The following COL18A1 variants were observed in gnomAD, a reference collection of about 807,000 sequenced individuals.
The protein encoded by COL18A1 is collagen alpha-1(XVIII) chain.
A neutral mutation model predicts 168.0 loss-of-function variants in COL18A1; 133 were observed. That is an observed-to-expected ratio of 0.79 (90% confidence interval 0.69 to 0.91). COL18A1 has a LOEUF of 0.91. Among genes scored for constraint, COL18A1 ranks in the 40% least tolerant of loss-of-function variants. The pLI, the probability that COL18A1 is intolerant of heterozygous loss-of-function variation, is 0.00. For missense variants in COL18A1, 2,126 were observed against 1,925.4 expected, an observed-to-expected ratio of 1.10 and a Z score of -1.95; for synonymous variants, 949 against 809.0, an observed-to-expected ratio of 1.17 and a Z score of -2.94.
At chr21:45,487,823 C>A (rs1019460524) in intron 17 of COL18A1, among the ~76,000 whole-genome samples, 1 of 152,228 alleles carries the variant, frequency 6.6e-6, no homozygotes, top group East Asian at 1.9e-4. Context: ...TCATCACATT[C>A]TTTTTGTGGC....
At position 45,509,576 on chromosome 21, in the gene COL18A1, A is replaced by C. The variant is rs1293040942; in HGVS notation, c.3470A>C (p.His1157Pro). The change falls in exon 39 of 42, where the codon CAC becomes CCC. Residue 1157 changes from histidine (H) to proline (P), a missense_variant. Physicochemically the swap from His to Pro is moderately conservative, Grantham distance 77. Coordinates refer to ENST00000651438, the MANE Select transcript of COL18A1 (RefSeq NM_001379500.1). Reference protein sequence around the residue: ...RPARPTSPPAHSHRDFQPVLH... With the variant: ...RPARPTSPPAPSHRDFQPVLH... ...GCGCGACCCACAAGCCCACCCGCCC[A>C]CAGCCACCGCGACTTCCAGCCGGTG... 3 of 1,524,598 alleles carry C rather than the reference A, an allele frequency of 2.0e-6. No homozygotes were observed. The highest frequency in any genetic ancestry group is 2.8e-5 in the African/African-American group (2 of 72,546). 94.4% of individuals were successfully genotyped at this position (1,524,598 alleles called of 1,614,324 possible). A position where few individuals can be genotyped will look rare whatever the true frequency, so the allele number is the denominator to read the frequency against.
rs1368894125 is a variant in COL18A1 at position 45,498,012 on chromosome 21, G to C, written c.2683+351G>C. On this transcript the variant is annotated intron_variant, in intron 32 of 41. Transcript: ENST00000651438. The surrounding 1 kb of genome is among the most constrained non-coding windows in gnomAD (Gnocchi z 4.5). ...TCCACGGGGCCGGGGGTCGGCACTG[G>C]AGGACCCTCTGTCGAGAAACTCTCC... is the stretch of plus-strand genomic sequence containing the variant. Among the ~76,000 whole-genome samples the C allele has an allele frequency of 6.6e-6, 1 of 152,156 alleles. No homozygotes were observed. Among genetic ancestry groups the C allele is most frequent in the African/African-American group, 2.4e-5 (1 of 41,420 alleles).
At chr21:45,415,231 T>A (rs1223612448) in intron 2 of COL18A1, among the ~76,000 whole-genome samples, 1 of 152,086 alleles carries the variant, frequency 6.6e-6, no homozygotes, top group African/African-American at 2.4e-5. Flanking sequence ...AAGTCTTGGA[T>A]GTGTGCCGGC....
chr21:45,455,532 T>A, intron 2 of COL18A1: 2 of 1,612,918 alleles, frequency 1.2e-6, no homozygotes, highest in Non-Finnish European at 1.7e-6. Flanking sequence ...ACTGCCCCGA[T>A]GGCTCCCTAC....
intron 2 of COL18A1, among the ~76,000 whole-genome samples, chr21:45,418,241 G>C (rs1046830207): frequency 3.9e-5 from 6 of 152,342 alleles, no homozygotes; most frequent in Admixed American, 6.5e-5. Context: ...CATCCCTGGT[G>C]GGGGCAGAGG....
Position 45,498,473 on chromosome 21 carries a change from GCTCGCCGCCAGGGTCCCCT to G in COL18A1, c.2683+818_2683+836del, listed in dbSNP as rs916143896. ...GTCCCCTCTCGCCGCCACGGTCCCC[GCTCGCCGCCAGGGTCCCCT>G]CTCGCTGCCAGGGTCCTCTGCAGAG... is the stretch of plus-strand genomic sequence containing the variant. On this transcript the variant is annotated intron_variant, in intron 32 of 41. Transcript: ENST00000651438. This position sits in a 1 kb window ranked among gnomAD's most constrained non-coding sequence, Gnocchi z 4.5. 5 of 656,096 alleles carry G rather than the reference GCTCGCCGCCAGGGTCCCCT, an allele frequency of 7.6e-6. No homozygotes were observed. Among genetic ancestry groups the G allele is most frequent in the African/African-American group, 6.1e-5 (3 of 48,792 alleles). 40.6% of individuals were successfully genotyped at this position (656,096 alleles called of 1,614,324 possible).
At chr21:45,478,073 G>A (rs1389749525) in intron 8 of COL18A1, 108 bp downstream of exon 8, 3 of 752,730 alleles carry the variant, frequency 4.0e-6, no homozygotes, top group Non-Finnish European at 6.7e-6. Flanking sequence ...TGGGATCGGG[G>A]CAGGTCAGCA....
At chr21:45,479,488 G>A (rs573483331) in intron 9 of COL18A1, among the ~76,000 whole-genome samples, 22 of 152,058 alleles carry the variant, frequency 1.4e-4, no homozygotes, top group East Asian at 3.9e-4. Flanking sequence ...CACATACCAC[G>A]TGTGCACACA....
chr21:45,406,741 G>A (rs1034478185), intron 2 of COL18A1, among the ~76,000 whole-genome samples: 8 of 152,260 alleles, frequency 5.3e-5, no homozygotes, highest in African/African-American at 1.9e-4. Flanking sequence ...GAAAGACGCT[G>A]GGGCCCAAGC....
intron 2 of COL18A1, among the ~76,000 whole-genome samples, chr21:45,453,283 A>G (rs1185549866): frequency 6.6e-6 from 1 of 152,122 alleles, no homozygotes; most frequent in Non-Finnish European, 1.5e-5. Context: ...TTATATGTAC[A>G]TGTGTGGGGG....
rs1332067925 is a variant in COL18A1, at chr21:45,476,439, G to GTGA, written c.888_890dup (p.Ser296_Glu297insAsp). 7.4e-6 allele frequency: 12 copies of GTGA among 1,613,900 alleles called. No individual in the cohort carries two copies. Among genetic ancestry groups the GTGA allele is most frequent in the African/African-American group, 1.3e-5 (1 of 74,942 alleles). On this transcript the variant is annotated inframe_insertion, in exon 6 of 42. Coordinates refer to ENST00000651438, the MANE Select transcript of COL18A1 (RefSeq NM_001379500.1). ...GGCAGCAGCACGGAAGATTCCAGAA[G>GTGA]TGAAGAAGTCGAGGAGCAGACCACG... is the stretch of plus-strand genomic sequence containing the variant.
intron 2 of COL18A1, among the ~76,000 whole-genome samples, chr21:45,427,901 C>A (rs910357782): frequency 6.6e-6 from 1 of 152,178 alleles, no homozygotes; most frequent in Non-Finnish European, 1.5e-5. Flanking sequence ...ACTCATACAC[C>A]CGGGGCCTGG....
chr21:45,481,656 C>A (rs117161755), intron 13 of COL18A1, among the ~76,000 whole-genome samples: 16 of 152,374 alleles, frequency 1.1e-4, no homozygotes, highest in Non-Finnish European at 2.1e-4. Context: ...CATGCCTAAT[C>A]CATATTCACG....
intron 2 of COL18A1, among the ~76,000 whole-genome samples, chr21:45,415,954 G>T (rs1001465522): frequency 6.6e-6 from 1 of 152,192 alleles, no homozygotes; most frequent in African/African-American, 2.4e-5. Flanking sequence ...AGAACACTGC[G>T]TGGGCCCTCG....
chr21:45,441,449 C>G (rs984242465), intron 2 of COL18A1, among the ~76,000 whole-genome samples: 1 of 152,200 alleles, frequency 6.6e-6, no homozygotes, highest in African/African-American at 2.4e-5. Context: ...CCCACCTGCC[C>G]CAGCAGCTGC....
chr21:45,410,952 A>G (rs956119346), intron 2 of COL18A1, among the ~76,000 whole-genome samples: 2 of 151,918 alleles, frequency 1.3e-5, no homozygotes, highest in Non-Finnish European at 2.9e-5. Context: ...GGCAGGCCCG[A>G]GTCCACACAC....
Position 45,443,156 on chromosome 21 carries a change from C to CCTGGTGTGGGCGGTGGT in COL18A1, c.107-25086_107-25085insCTGGTGTGGGCGGTGGT, listed in dbSNP as rs2034428714. 9.5e-6 allele frequency among the ~76,000 whole-genome samples: 1 copy of CCTGGTGTGGGCGGTGGT among 104,788 alleles called. No homozygotes were observed. 68.7% of individuals were successfully genotyped at this position (104,788 alleles called of 152,430 possible). ...TGGGCGGCGGTGCTGGTGTGGGCGG[C>CCTGGTGTGGGCGGTGGT]GGTGCTGGTGTGGGTGGATTCCTGG... On this transcript the variant is annotated intron_variant, in intron 2 of 41. Coordinates refer to ENST00000651438, the MANE Select transcript of COL18A1 (RefSeq NM_001379500.1). This position sits in a 1 kb window ranked among gnomAD's most constrained non-coding sequence, Gnocchi z 5.2.
chr21:45,432,061 C>T (rs967404632), intron 2 of COL18A1, among the ~76,000 whole-genome samples: 1 of 152,190 alleles, frequency 6.6e-6, no homozygotes, highest in African/African-American at 2.4e-5. Context: ...AGGCCCTGGG[C>T]GGTGCCCACC....
In COL18A1 at chr21:45,477,476, C is replaced by T. The variant is rs759096913; in HGVS notation, c.994C>T (p.Arg332Cys). 6.8e-6 allele frequency: 11 copies of T among 1,610,598 alleles called. No individual in the cohort carries two copies. The highest frequency in any genetic ancestry group is 2.7e-5 in the African/African-American group (2 of 74,954). ...CGGGAGTGTCCGGACCCCTGGGGGCCGCGTGAAAGAGGTAAGGCCACCTCC... is the reference window on the plus strand; with the variant it reads ...CGGGAGTGTCCGGACCCCTGGGGGCTGCGTGAAAGAGGTAAGGCCACCTCC... ...WDGSVRTPGG[R>C]VKEGGLKGQK... The change falls in exon 7 of 42, where the codon CGC becomes TGC. Residue 332 changes from arginine (R) to cysteine (C), a missense_variant. Transcript: ENST00000651438.
Sources: gnomAD v4.1 joint callset for allele counts (sites outside exome capture counted in the v4.1 genomes callset) on GRCh38, gnomAD v4.1.1 for gene constraint, Gnocchi (gnomAD v3.1) non-coding constraint, MANE v1.5 for transcripts, NCBI Gene and HGNC (gene_info 2026-07-23, HGNC 2026-07-21) for gene names.